SRFBP1: variants seen among roughly 807,000 people sequenced by gnomAD.
SRFBP1 encodes the protein serum response factor-binding protein 1.
Under a neutral mutation model 45.5 loss-of-function variants are expected in SRFBP1, and 47 were observed. The observed-to-expected ratio is 1.03, with a 90% CI of 0.82 to 1.32. The LOEUF is 1.32. SRFBP1 is among the 40% of genes most tolerant of loss of function. SRFBP1 has a pLI of 0.00. For missense variants in SRFBP1, 621 were observed against 484.6 expected (o/e 1.28, Z -2.64); for synonymous variants, 203 against 166.3 (o/e 1.22, Z -1.70).
chr5:122,040,094 A>C (rs915104219), intron 2 of SRFBP1, among the ~76,000 whole-genome samples: 2 of 152,110 alleles, frequency 1.3e-5, no homozygotes, highest in African/African-American at 4.8e-5. Flanking sequence ...TTTACAAATA[A>C]TTTTTTAATC....
intron 7 of SRFBP1, among the ~76,000 whole-genome samples, chr5:122,025,643 A>G: frequency 6.6e-6 from 1 of 152,090 alleles, no homozygotes; most frequent in Non-Finnish European, 1.5e-5. Flanking sequence ...TCATCTCTAC[A>G]GCCACTCTTT....
At chr5:122,047,613 A>G (rs1437728646) in intron 2 of SRFBP1, among the ~76,000 whole-genome samples, 2 of 152,184 alleles carry the variant, frequency 1.3e-5, no homozygotes, top group Non-Finnish European at 2.9e-5. Flanking sequence ...TGGGGATGGC[A>G]TTGAATCTAT....
chr5:122,056,025 G>A (rs529626653), intron 2 of SRFBP1, among the ~76,000 whole-genome samples: 1 of 152,252 alleles, frequency 6.6e-6, no homozygotes, highest in African/African-American at 2.4e-5. Context: ...GCCCAAGAGT[G>A]TTGAATAACA....
chr5:122,020,236 G>A lies in SRFBP1; in HGVS notation c.501G>A (p.Glu167=), dbSNP rs1281981601. The A allele has an allele frequency of 6.2e-7, 1 of 1,612,730 alleles. No homozygotes were observed. Reference sequence around the variant, plus strand: ...AGCGTGAAGCAACTGTCATCAGTGAGCAAAAAGTCAAAGAAACCAAAATAT... The same window carrying A: ...AGCGTGAAGCAACTGTCATCAGTGAACAAAAAGTCAAAGAAACCAAAATAT... ...NLQREATVIS[E]QKVKETKILA... Residue 167 remains glutamate, a synonymous_variant, in exon 6 of 8, where the codon GAG becomes GAA. Transcript: ENST00000339397.
Position 122,028,520 on chromosome 5 carries a change from T to TCA in SRFBP1, c.*1394_*1395insCA, listed in dbSNP as rs879794251. The stretch of plus-strand genomic sequence containing the variant: ...TACTCAGAAGGCTGAGGCATAAGAA[T>TCA]TGCTTGAACCTGGGAGGTGGAGGTT... On this transcript the variant is annotated 3_prime_UTR_variant, in exon 8 of 8. Transcript: ENST00000339397. 1 of 152,076 alleles carries TCA rather than the reference T, an allele frequency of 6.6e-6. No homozygotes were observed. Among genetic ancestry groups the TCA allele is most frequent in the Non-Finnish European group, 1.5e-5 (1 of 68,098 alleles). 9.4% of individuals were successfully genotyped at this position (152,076 alleles called of 1,614,324 possible). A position where few individuals can be genotyped will look rare whatever the true frequency, so the allele number is the denominator to read the frequency against.
rs1414768242 is a variant in SRFBP1, at chr5:122,028,030, T to C, written c.*904T>C. ...TGAAGGTGGTAGGATTAAAAGAATA[T>C]TTCCACTGATGGCTAAGCAAAGAAG... is the stretch of plus-strand genomic sequence containing the variant. On this transcript the variant is annotated 3_prime_UTR_variant, in exon 8 of 8. Transcript: ENST00000339397. 1 of 152,214 alleles carries C rather than the reference T, an allele frequency of 6.6e-6. No homozygotes were observed. The highest frequency in any genetic ancestry group is 1.9e-4 in the East Asian group (1 of 5,200). 9.4% of individuals were successfully genotyped at this position (152,214 alleles called of 1,614,324 possible).
chr5:122,044,674 A>G (rs937099845), intron 2 of SRFBP1, among the ~76,000 whole-genome samples: 3 of 151,970 alleles, frequency 2.0e-5, no homozygotes, highest in Admixed American at 6.6e-5. Context: ...GTGTCTGTTC[A>G]TGTCTCTTAC....
intron 2 of SRFBP1, among the ~76,000 whole-genome samples, chr5:122,043,678 C>G (rs1010518630): frequency 6.6e-6 from 1 of 152,086 alleles, no homozygotes; most frequent in Non-Finnish European, 1.5e-5. Context: ...GTATACTCTA[C>G]TTAATAATAC....
At chr5:121,987,918 A>G (rs1752548494) in intron 3 of SRFBP1, among the ~76,000 whole-genome samples, 2 of 152,180 alleles carry the variant, frequency 1.3e-5, no homozygotes, top group African/African-American at 4.8e-5. Context: ...TTATACACTT[A>G]CGAGTCACTA....
At chr5:122,064,338 CAG>C (rs1360092547) in intron 2 of SRFBP1, 3 of 151,596 alleles carry the variant, frequency 2.0e-5, no homozygotes, top group East Asian at 3.9e-4. Context: ...TTCAGTAATA[CAG>C]AGTGTTAAAT....
chr5:121,993,537 A>G (rs1403834996), intron 3 of SRFBP1, among the ~76,000 whole-genome samples: 3 of 152,138 alleles, frequency 2.0e-5, no homozygotes, highest in Admixed American at 6.6e-5. Flanking sequence ...GGTACTAGTT[A>G]AGGTCAGCCT....
intron 4 of SRFBP1, among the ~76,000 whole-genome samples, chr5:122,008,655 T>TA (rs1753025969): frequency 6.6e-6 from 1 of 152,148 alleles, no homozygotes; most frequent in African/African-American, 2.4e-5. Flanking sequence ...TTAGCTCTTG[T>TA]AAAGGTATTT....
downstream of SRFBP1, chr5:122,077,921 G>A: frequency 6.6e-7 from 1 of 1,517,528 alleles, no homozygotes; most frequent in Non-Finnish European, 8.7e-7. This position sits in a 1 kb window ranked among gnomAD's most constrained non-coding sequence, Gnocchi z 4.9. Context: ...GGCGGGAGGG[G>A]CGCAGTGCAC....
chr5:122,055,190 G>C lies in SRFBP1; in HGVS notation n.312-20125G>C, dbSNP rs562451907. Among the ~76,000 whole-genome samples the C allele has an allele frequency of 2.6e-5, 4 of 152,266 alleles. No homozygotes were observed. The South Asian group carries it at 6.2e-4, about 24-fold the overall frequency. Reference sequence around the variant, plus strand: ...TGGTAAGGGCCCAGTCCTCACTCATGATGCCTTCTTGCTGAGTCCTCACAT... The same window carrying C: ...TGGTAAGGGCCCAGTCCTCACTCATCATGCCTTCTTGCTGAGTCCTCACAT... On this transcript the variant is annotated intron_variant and non_coding_transcript_variant, in intron 2 of 2. Coordinates refer to the SRFBP1 transcript ENST00000504881.
intron 4 of SRFBP1, among the ~76,000 whole-genome samples, chr5:122,010,942 T>G (rs1192496026): frequency 1.3e-5 from 2 of 152,242 alleles, no homozygotes; most frequent in Non-Finnish European, 2.9e-5. Context: ...ATTGAGACTT[T>G]TTTCATCACT....
chr5:121,983,042 A>T (rs1752443775), intron 3 of SRFBP1, among the ~76,000 whole-genome samples: 1 of 151,834 alleles, frequency 6.6e-6, no homozygotes, highest in East Asian at 1.9e-4. Context: ...AGAGTTAAAT[A>T]TTACAACATA....
chr5:122,072,794 G>T (rs140828694), intron 2 of SRFBP1, among the ~76,000 whole-genome samples: 104 of 152,308 alleles, frequency 6.8e-4, no homozygotes, highest in African/African-American at 2.4e-3. Flanking sequence ...CCCAAAGAAG[G>T]GGGGGAACCA....
chr5:121,998,662 T>A (rs1251089816), intron 4 of SRFBP1, among the ~76,000 whole-genome samples: 13 of 145,998 alleles, frequency 8.9e-5, no homozygotes, highest in Non-Finnish European at 9.0e-5. Flanking sequence ...ACTTAAAGTA[T>A]AAAAAAAAAA....
intron 4 of SRFBP1, among the ~76,000 whole-genome samples, chr5:121,996,892 C>G (rs1361543525): frequency 6.7e-6 from 1 of 148,332 alleles, no homozygotes; most frequent in Admixed American, 6.7e-5. Flanking sequence ...AGAGCCAAAT[C>G]ATGAGTGCAC....
Sources: gnomAD v4.1 joint callset for allele counts (sites outside exome capture counted in the v4.1 genomes callset) on GRCh38, gnomAD v4.1.1 for gene constraint, Gnocchi (gnomAD v3.1) non-coding constraint, MANE v1.5 for transcripts, NCBI Gene and HGNC (gene_info 2026-07-23, HGNC 2026-07-21) for gene names.